The following CDK14 variants were observed in gnomAD, a reference collection of about 807,000 sequenced individuals.
CDK14 encodes the protein cyclin-dependent kinase 14.
CDK14 carries 34 observed loss-of-function variants against 60.7 expected under a neutral mutation model. That is an observed-to-expected ratio of 0.56 (90% CI 0.43 to 0.75). CDK14 has a LOEUF of 0.75. Among genes scored for constraint, CDK14 ranks in the 30% least tolerant of loss-of-function variants. The pLI, the probability that CDK14 is intolerant of heterozygous loss-of-function variation, is 0.00. For synonymous variants in CDK14, 197 were observed against 203.7 expected, an observed-to-expected ratio of 0.97 and a Z score of 0.28; for missense variants, 482 against 564.1, an observed-to-expected ratio of 0.85 and a Z score of 1.47.
At chr7:90,730,591 T>G (rs1465425228) in intron 3 of CDK14, among the ~76,000 whole-genome samples, 1 of 152,260 alleles carries the variant, frequency 6.6e-6, no homozygotes, top group Non-Finnish European at 1.5e-5. Flanking sequence ...TTGATTTGCA[T>G]TTCTCTACTG....
intron 9 of CDK14, among the ~76,000 whole-genome samples, chr7:90,959,844 C>T (rs1028317342): frequency 1.3e-5 from 2 of 152,132 alleles, no homozygotes; most frequent in African/African-American, 2.4e-5. Context: ...GTTTTTGATA[C>T]TTTTATGAAA....
rs1384737288 is a variant in CDK14, at chr7:90,596,336, T to A, written c.-292T>A. Among the ~76,000 whole-genome samples, 1 of 149,672 alleles carries A rather than the reference T, an allele frequency of 6.7e-6. No homozygotes were observed. Among genetic ancestry groups the A allele is most frequent in the African/African-American group, 2.4e-5 (1 of 40,896 alleles). On this transcript the variant is annotated 5_prime_UTR_variant, in exon 1 of 15. An upstream start codon of the reference 5' UTR is lost. Transcript: ENST00000380050. ...TCTCTCCGTTACAAAGGAGGGAAAA[T>A]GAGCCGGGCGGCGGCGGCGCGGCGC...
chr7:91,139,477 C>T lies in CDK14; in HGVS notation c.*28+21269C>T, dbSNP rs559997173. 3.3e-5 allele frequency among the ~76,000 whole-genome samples: 5 copies of T among 152,322 alleles called. No individual in the cohort carries two copies. The East Asian group carries it at 9.7e-4, about 29-fold the overall frequency. ...AAGCAGTCACTGCTCCTCAGATCCC[C>T]TTGAAGGTATCTCTTGGGAGGCAGT... On this transcript the variant is annotated intron_variant, in intron 14 of 14. Transcript: ENST00000380050.
chr7:91,110,385 A>G (rs1799437175), intron 12 of CDK14, among the ~76,000 whole-genome samples: 1 of 152,186 alleles, frequency 6.6e-6, no homozygotes, highest in African/African-American at 2.4e-5. Flanking sequence ...AATTTACTGC[A>G]GAAACAGAGA....
intron 6 of CDK14, among the ~76,000 whole-genome samples, chr7:90,881,177 A>G (rs1445152384): frequency 6.6e-6 from 1 of 152,198 alleles, no homozygotes; most frequent in Non-Finnish European, 1.5e-5. Context: ...ACCTAATGCA[A>G]AGAATGCTAA....
At chr7:90,781,191 T>C in intron 4 of CDK14, among the ~76,000 whole-genome samples, 1 of 152,214 alleles carries the variant, frequency 6.6e-6, no homozygotes, top group Non-Finnish European at 1.5e-5. Context: ...TTTTCATGTG[T>C]TTTTTGGCTG....
chr7:90,718,181 A>G (rs1329792558), intron 2 of CDK14, among the ~76,000 whole-genome samples: 1 of 152,076 alleles, frequency 6.6e-6, no homozygotes, highest in East Asian at 1.9e-4. Flanking sequence ...GCTGCACCCA[A>G]ATAATTTTCA....
At chr7:90,649,252 CT>C in intron 2 of CDK14, among the ~76,000 whole-genome samples, 1 of 45,442 alleles carries the variant, frequency 2.2e-5, no homozygotes, top group East Asian at 5.0e-4. Flanking sequence ...TTCTTTCTTT[CT>C]TTCTTTCTTT....
At chr7:91,058,858 A>C (rs1797677177) in intron 11 of CDK14, among the ~76,000 whole-genome samples, 1 of 152,170 alleles carries the variant, frequency 6.6e-6, no homozygotes, top group South Asian at 2.1e-4. Context: ...TATTGGTCTA[A>C]AATTCTCTTT....
chr7:90,929,857 A>G (rs1020206518), intron 8 of CDK14, among the ~76,000 whole-genome samples: 1 of 152,222 alleles, frequency 6.6e-6, no homozygotes, highest in Non-Finnish European at 1.5e-5. Context: ...TGTATACTTT[A>G]AAGAAGAGTA....
chr7:90,823,140 G>A (rs76931749), intron 5 of CDK14, among the ~76,000 whole-genome samples: 1,636 of 152,200 alleles, frequency 0.011, 19 homozygotes, highest in Middle Eastern at 0.1. Context: ...GGGAGGACTT[G>A]GAGGCTGTCA....
intron 14 of CDK14, among the ~76,000 whole-genome samples, chr7:91,197,449 A>G (rs1802583489): frequency 6.6e-6 from 1 of 151,662 alleles, no homozygotes; most frequent in Non-Finnish European, 1.5e-5. Flanking sequence ...TCCTCAGTTC[A>G]GAGACAGCTG....
At chr7:91,151,176 T>C (rs1800818225) in intron 14 of CDK14, among the ~76,000 whole-genome samples, 2 of 152,168 alleles carry the variant, frequency 1.3e-5, no homozygotes, top group African/African-American at 4.8e-5. Context: ...CTTACCCTTC[T>C]CATTCCCACA....
chr7:90,828,974 G>A (rs553395218), intron 5 of CDK14, among the ~76,000 whole-genome samples: 1 of 152,040 alleles, frequency 6.6e-6, no homozygotes, highest in Non-Finnish European at 1.5e-5. Flanking sequence ...TGCATGTCTG[G>A]GGGAGGCCTC....
At position 90,857,446 on chromosome 7, in the gene CDK14, A is replaced by G. The variant is rs114743146; in HGVS notation, c.545-5729A>G. On this transcript the variant is annotated intron_variant, in intron 5 of 14. Coordinates refer to ENST00000380050, the MANE Select transcript of CDK14 (RefSeq NM_001287135.2). The stretch of plus-strand genomic sequence containing the variant: ...ATAGTTTTGACACCACAGCCCCTAA[A>G]CTATTGTTATAATTTTCACCCTTAA... 7.5e-3 allele frequency among the ~76,000 whole-genome samples: 1,148 copies of G among 152,218 alleles called. 20 individuals carry two copies. Among genetic ancestry groups the G allele is most frequent in the African/African-American group, 0.027 (1,110 of 41,528 alleles).
At chr7:90,659,614 G>C (rs544678376) in intron 2 of CDK14, among the ~76,000 whole-genome samples, 3 of 152,098 alleles carry the variant, frequency 2.0e-5, no homozygotes, top group African/African-American at 7.2e-5. Context: ...AGTACCTTTG[G>C]TTAAAAAAGA....
chr7:91,085,073 C>T lies in CDK14; in HGVS notation c.1154+5593C>T, dbSNP rs183787335. Among the ~76,000 whole-genome samples, 11 of 152,266 alleles carry T rather than the reference C, an allele frequency of 7.2e-5. No homozygotes were observed. The East Asian group carries it at 1.9e-3, about 27-fold the overall frequency. On this transcript the variant is annotated intron_variant, in intron 12 of 14. Transcript: ENST00000380050. ...ATATGCCATGGGTGTTTGTATTCTG[C>T]GACTGCCATAACAAATTACCACACA...
At chr7:91,025,318 G>A (rs1312465010) in intron 10 of CDK14, among the ~76,000 whole-genome samples, 3 of 152,072 alleles carry the variant, frequency 2.0e-5, no homozygotes, top group Non-Finnish European at 4.4e-5. Flanking sequence ...AGGTAGAGAA[G>A]GGTTTCTGCC....
intron 4 of CDK14, among the ~76,000 whole-genome samples, chr7:90,788,776 CAG>C (rs1427484110): frequency 6.6e-6 from 1 of 152,182 alleles, no homozygotes; most frequent in Non-Finnish European, 1.5e-5. Context: ...CTTTCAAACT[CAG>C]ACACTGGATT....
Sources: allele counts gnomAD v4.1 joint callset (sites outside exome capture counted in the v4.1 genomes callset), GRCh38; gene constraint gnomAD v4.1.1; transcripts MANE v1.5; gene names NCBI Gene and HGNC (gene_info 2026-07-23, HGNC 2026-07-21).